ADAM23: variants seen among roughly 807,000 people sequenced by gnomAD.
The protein encoded by ADAM23 is ADAM metallopeptidase domain 23, also known as disintegrin and metalloproteinase domain-containing protein 23.
In ADAM23, 33 loss-of-function variants were observed where a neutral mutation model predicts 120.1. The ratio of observed to expected loss-of-function variants is 0.27; its 90% CI spans 0.21 to 0.37. The LOEUF (loss-of-function observed/expected upper bound fraction) is 0.37, where lower values mean the gene tolerates loss of function less well. ADAM23 is among the 10% of genes least tolerant of loss of function. The probability of loss-of-function intolerance (pLI) is 1.00; values close to 1 mark genes in which losing one functional copy is unlikely to be tolerated. For missense variants in ADAM23, 862 were observed against 1,058.2 expected, an observed-to-expected ratio of 0.81 and a Z score of 2.57; for synonymous variants, 367 against 375.2, an observed-to-expected ratio of 0.98 and a Z score of 0.25.
At position 206,617,617 on chromosome 2, in the gene ADAM23, G is replaced by GCC; in HGVS notation, c.2492_2493dup (p.Ile832ProfsTer33). 1 of 1,613,054 alleles carries GCC rather than the reference G, an allele frequency of 6.2e-7. No individual in the cohort carries two copies. The highest frequency in any genetic ancestry group is 8.5e-7 in the Non-Finnish European group (1 of 1,179,488). The stretch of plus-strand genomic sequence containing the variant: ...AGAAGGTTCGATCCTACTCAGCAAG[G>GCC]CCCCATCTGAATCAGCTGCGCTGGA... On this transcript the variant is annotated frameshift_variant, in exon 26 of 26. Transcript: ENST00000264377. LOFTEE classifies it high-confidence loss of function.
chr2:206,608,828 A>G (rs1698777059), intron 24 of ADAM23, among the ~76,000 whole-genome samples: 1 of 152,212 alleles, frequency 6.6e-6, no homozygotes. Context: ...TGAGCAGAAA[A>G]GAGAATTTTT....
intron 2 of ADAM23, among the ~76,000 whole-genome samples, chr2:206,466,967 C>CT (rs1424907438): frequency 6.6e-6 from 1 of 151,790 alleles, no homozygotes; most frequent in Non-Finnish European, 1.5e-5. Flanking sequence ...GTGACACACT[C>CT]TTAAACAACC....
At chr2:206,589,323 G>A (rs780249965) in intron 20 of ADAM23, 86 bp from the exon 21 acceptor site, 8 of 1,022,010 alleles carry the variant, frequency 7.8e-6, no homozygotes, top group African/African-American at 6.4e-5. Context: ...TGGAGAATCG[G>A]GTGTTAAACA....
At chr2:206,500,371 G>A (rs1014958059) in intron 3 of ADAM23, among the ~76,000 whole-genome samples, 2 of 152,066 alleles carry the variant, frequency 1.3e-5, no homozygotes, top group South Asian at 2.1e-4. Flanking sequence ...CTCCACATTT[G>A]TGTAGCACCA....
rs555096542 is a variant in ADAM23, at chr2:206,467,879, G to T, written c.433-13353G>T. Among the ~76,000 whole-genome samples, 57 of 152,248 alleles carry T rather than the reference G, an allele frequency of 3.7e-4. No individual in the cohort carries two copies. In the South Asian group the frequency reaches 7.1e-3, roughly 19 times the overall value. ...TCCCAAGCCTCAACTCTTATATTCTGTGCACCGGCAGGCTTAATGCTACAT... is the reference window on the plus strand; with the variant it reads ...TCCCAAGCCTCAACTCTTATATTCTTTGCACCGGCAGGCTTAATGCTACAT... On this transcript the variant is annotated intron_variant, in intron 2 of 25. Coordinates refer to ENST00000264377, the MANE Select transcript of ADAM23 (RefSeq NM_003812.4).
intron 23 of ADAM23, among the ~76,000 whole-genome samples, chr2:206,595,187 A>G (rs1373009023): frequency 6.6e-6 from 1 of 152,158 alleles, no homozygotes; most frequent in Non-Finnish European, 1.5e-5. Context: ...CTCAACAACA[A>G]CAACAACAAA....
intron 25 of ADAM23, among the ~76,000 whole-genome samples, chr2:206,612,113 T>C (rs919376175): frequency 6.6e-6 from 1 of 152,212 alleles, no homozygotes; most frequent in Non-Finnish European, 1.5e-5. Context: ...ACATGTAACT[T>C]CAGGAGTTTA....
At chr2:206,583,599 G>A (rs1444387764) in intron 18 of ADAM23, among the ~76,000 whole-genome samples, 1 of 151,852 alleles carries the variant, frequency 6.6e-6, no homozygotes, top group Non-Finnish European at 1.5e-5. Context: ...GGGTTAATTC[G>A]AAGACTTTGT....
chr2:206,561,070 A>G, intron 11 of ADAM23, 58 bp from the exon 12 acceptor site: 1 of 1,460,134 alleles, frequency 6.8e-7, no homozygotes, highest in Non-Finnish European at 9.6e-7. Context: ...ATATTTTGGG[A>G]GAGTATGAAA....
chr2:206,605,984 T>C, intron 24 of ADAM23: 1 of 586,958 alleles, frequency 1.7e-6, no homozygotes, highest in South Asian at 2.1e-5. Context: ...GTGTTTCCTG[T>C]GGTAGTGCAC....
chr2:206,541,322 T>C (rs970243077), intron 4 of ADAM23, among the ~76,000 whole-genome samples: 5 of 152,106 alleles, frequency 3.3e-5, no homozygotes, highest in African/African-American at 1.2e-4. Context: ...ACATAAACAA[T>C]GAATATAGAT....
chr2:206,445,488 T>C lies in ADAM23; in HGVS notation c.396T>C (p.Leu132=). Residue 132 remains leucine (L), a synonymous_variant, in exon 2 of 26, where the codon CTT becomes CTC. Coordinates refer to ENST00000264377, the MANE Select transcript of ADAM23 (RefSeq NM_003812.4). Reference sequence around the variant, plus strand: ...ACTCGGAAAGCCCTTATCACGTTCTTGACACAAAGGCAAGACACCAGCAAA... The same window carrying C: ...ACTCGGAAAGCCCTTATCACGTTCTCGACACAAAGGCAAGACACCAGCAAA... The part of the protein sequence containing the change: ...NQDSESPYHV[L]DTKARHQQKH... 6.2e-7 allele frequency: 1 copy of C among 1,614,102 alleles called. No homozygotes were observed. The highest frequency in any genetic ancestry group is 8.5e-7 in the Non-Finnish European group (1 of 1,180,018).
At chr2:206,469,080 C>T (rs1238599679) in intron 2 of ADAM23, among the ~76,000 whole-genome samples, 3 of 152,294 alleles carry the variant, frequency 2.0e-5, no homozygotes, top group Admixed American at 2.0e-4. Flanking sequence ...TGATCACCTC[C>T]TACTAGACCC....
chr2:206,499,061 G>A (rs1696322290), intron 3 of ADAM23, among the ~76,000 whole-genome samples: 2 of 152,044 alleles, frequency 1.3e-5, no homozygotes, highest in South Asian at 4.1e-4. Flanking sequence ...CTGTAAACTA[G>A]TTCAACCATT....
chr2:206,508,914 A>G (rs530455713), intron 3 of ADAM23, among the ~76,000 whole-genome samples: 91 of 152,308 alleles, frequency 6.0e-4, no homozygotes, highest in Middle Eastern at 6.8e-3. Flanking sequence ...TTTCTCTCTG[A>G]GATCGCTGGC....
chr2:206,469,556 T>C (rs1438271640), intron 2 of ADAM23, among the ~76,000 whole-genome samples: 1 of 152,220 alleles, frequency 6.6e-6, no homozygotes, highest in African/African-American at 2.4e-5. Flanking sequence ...CTTTAGTGCA[T>C]AGTCCGCACA....
rs1172357805 is a variant in ADAM23 at position 206,506,230 on chromosome 2, A to G, written c.510-24655A>G. On this transcript the variant is annotated intron_variant, in intron 3 of 25. Coordinates refer to ENST00000264377, the MANE Select transcript of ADAM23 (RefSeq NM_003812.4). ...CCTCACCACAACAATTTCTGCAAACAAAAGGTGGTATCTTTCTACACGGTT... is the reference window on the plus strand; with the variant it reads ...CCTCACCACAACAATTTCTGCAAACGAAAGGTGGTATCTTTCTACACGGTT... Among the ~76,000 whole-genome samples the G allele has an allele frequency of 2.6e-5, 4 of 152,210 alleles. No homozygotes were observed. The East Asian group carries it at 7.7e-4, about 29-fold the overall frequency.
In ADAM23 at chr2:206,578,233, A is replaced by G. The variant is rs1403698622; in HGVS notation, c.1737+5038A>G. Reference sequence around the variant, plus strand: ...TTATTTTTCCATAAGTGTTTGGGGTACAGGTGGTATTTGGTTACATGAGTA... The same window carrying G: ...TTATTTTTCCATAAGTGTTTGGGGTGCAGGTGGTATTTGGTTACATGAGTA... On this transcript the variant is annotated intron_variant, in intron 18 of 25. Coordinates refer to ENST00000264377, the MANE Select transcript of ADAM23 (RefSeq NM_003812.4). Among the ~76,000 whole-genome samples, 9 of 152,272 alleles carry G rather than the reference A, an allele frequency of 5.9e-5. 1 individual carries two copies. Among genetic ancestry groups the G allele is most frequent in the Admixed American group, 3.9e-4 (6 of 15,284 alleles).
chr2:206,452,450 C>T (rs1220625237), intron 2 of ADAM23, among the ~76,000 whole-genome samples: 1 of 152,164 alleles, frequency 6.6e-6, no homozygotes, highest in Admixed American at 6.5e-5. Flanking sequence ...ATTCTGTCTT[C>T]ACTTATTCTC....
Sources: allele counts gnomAD v4.1 joint callset (sites outside exome capture counted in the v4.1 genomes callset), GRCh38; gene constraint gnomAD v4.1.1; transcripts MANE v1.5; gene names NCBI Gene and HGNC (gene_info 2026-07-23, HGNC 2026-07-21).